The following TMEM179B variants were observed in gnomAD, a reference collection of about 807,000 sequenced individuals.
The protein encoded by TMEM179B is transmembrane protein 179B.
A neutral mutation model predicts 18.0 loss-of-function variants in TMEM179B; 13 were observed. The observed-to-expected ratio is 0.72, with a 90% CI of 0.47 to 1.15. TMEM179B has a LOEUF of 1.15. Among genes scored for constraint, TMEM179B ranks in the 50% most tolerant of loss-of-function variants. TMEM179B has a pLI of 0.00. For synonymous variants in TMEM179B, 159 were observed against 117.5 expected, an observed-to-expected ratio of 1.35 and a Z score of -2.29; for missense variants, 320 against 270.6, an observed-to-expected ratio of 1.18 and a Z score of -1.28.
chr11:62,789,482 G>A, intron 3 of TMEM179B, 56 bp downstream of exon 3: 1 of 1,610,884 alleles, frequency 6.2e-7, no homozygotes, highest in Non-Finnish European at 8.5e-7. Context: ...CTCTGCAGCG[G>A]GGTCCTATAA....
chr11:62,788,715 G>A (rs1165485337), intron 1 of TMEM179B, among the ~76,000 whole-genome samples: 2 of 147,672 alleles, frequency 1.4e-5, no homozygotes, highest in Middle Eastern at 3.7e-3. Flanking sequence ...ATAGTTATTT[G>A]TTGAAGGATA....
At chr11:62,788,546 TACAA>T (rs1439687120) in intron 1 of TMEM179B, among the ~76,000 whole-genome samples, 40 of 150,526 alleles carry the variant, frequency 2.7e-4, no homozygotes, top group East Asian at 2.6e-3. Context: ...CTACTAAAAA[TACAA>T]ACAATTAGCC....
At chr11:62,789,470 C>T (rs756260230) in intron 3 of TMEM179B, 44 bp downstream of exon 3, 12 of 1,612,790 alleles carry the variant, frequency 7.4e-6, no homozygotes, top group Admixed American at 1.7e-5. Flanking sequence ...TGACTACCTT[C>T]CCTCTGCAGC....
Position 62,789,067 on chromosome 11 carries a change from G to A in TMEM179B, c.141G>A (p.Leu47=). 1 of 1,614,180 alleles carries A rather than the reference G, an allele frequency of 6.2e-7. No individual in the cohort carries two copies. The highest frequency in any genetic ancestry group is 8.5e-7 in the Non-Finnish European group (1 of 1,180,022). The change falls in exon 2 of 5, where the codon CTG becomes CTA. Residue 47 remains leucine (L), a synonymous_variant. Coordinates refer to ENST00000333449, the MANE Select transcript of TMEM179B (RefSeq NM_199337.3). The stretch of plus-strand genomic sequence containing the variant: ...GTCCCCTGTATGGTGTGGCCACCCT[G>A]AATGGCTCCTCCCTGGCCTTATCCC... ...GRCPLYGVAT[L]NGSSLALSRP... is the part of the protein sequence containing the mutation.
chr11:62,790,092 G>T lies in TMEM179B; in HGVS notation c.*45G>T. 6.5e-7 allele frequency: 1 copy of T among 1,531,054 alleles called. No individual in the cohort carries two copies. The allele number at this position is 1,531,054 out of a possible 1,614,324, so 94.8% of individuals were successfully genotyped here. A position where few individuals can be genotyped will look rare whatever the true frequency, so the allele number is the denominator to read the frequency against. The stretch of plus-strand genomic sequence containing the variant: ...CTGCAGCCGAAGACTCCATGCCCAA[G>T]TGCCTGTAATCCCCCCCCTCAAGGC... On this transcript the variant is annotated 3_prime_UTR_variant, in exon 5 of 5. Coordinates refer to ENST00000333449, the MANE Select transcript of TMEM179B (RefSeq NM_199337.3).
At chr11:62,789,470 C>A in intron 3 of TMEM179B, 44 bp downstream of exon 3, 1 of 1,612,788 alleles carries the variant, frequency 6.2e-7, no homozygotes. Context: ...TGACTACCTT[C>A]CCTCTGCAGC....
chr11:62,789,512 G>C, intron 3 of TMEM179B, 86 bp downstream of exon 3: 1 of 1,595,864 alleles, frequency 6.3e-7, no homozygotes, highest in Non-Finnish European at 8.6e-7. Context: ...ATCCCCATCA[G>C]TTGCTCTCAA....
chr11:62,787,531 C>A lies in TMEM179B; in HGVS notation c.96+4C>A. ...CGCGGCGATGACTCGGACCCAGGTG[C>A]GGCTGCGGGGCGGGGTCAGGTAGGC... On this transcript the variant is annotated splice_donor_region_variant and intron_variant, in intron 1 of 4. Transcript: ENST00000333449. 6.4e-7 allele frequency: 1 copy of A among 1,559,786 alleles called. No individual in the cohort carries two copies. Among genetic ancestry groups the A allele is most frequent in the Non-Finnish European group, 8.6e-7 (1 of 1,161,962 alleles).
At chr11:62,788,759 C>T (rs2134739735) in intron 1 of TMEM179B, among the ~76,000 whole-genome samples, 1 of 151,820 alleles carries the variant, frequency 6.6e-6, no homozygotes, top group East Asian at 1.9e-4. Flanking sequence ...GGTTTCTGCA[C>T]AGAGACCATA....
chr11:62,789,209 A>T lies in TMEM179B; in HGVS notation c.283A>T (p.Arg95Ter). The change falls in exon 2 of 5, where the codon AGA becomes TGA. Residue 95 changes from arginine (R) to a stop codon, truncating the protein, a stop_gained and splice_region_variant. Transcript: ENST00000333449. LOFTEE classifies it high-confidence loss of function. ...CAGCAGCTGCATCGAGGACTCCCAC[A>T]GGTGACTGCCTAACCCTGAGGGCCA... Reference protein sequence around the residue: ...IYSSCIEDSHRGAIGLRIALA... With the variant: ...IYSSCIEDSH 1 of 1,614,170 alleles carries T rather than the reference A, an allele frequency of 6.2e-7. No individual in the cohort carries two copies. Among genetic ancestry groups the T allele is most frequent in the Middle Eastern group, 1.7e-4 (1 of 6,060 alleles).
At position 62,790,217 on chromosome 11, in the gene TMEM179B, C is replaced by T; in HGVS notation, c.*170C>T. ...ACCTCTTCCTGCAGCTGTTTTTGTA[C>T]CAAAATATTATATTACTGTCTTCAT... On this transcript the variant is annotated 3_prime_UTR_variant, in exon 5 of 5. Transcript: ENST00000333449. The T allele has an allele frequency of 1.4e-6, 1 of 718,838 alleles. No individual in the cohort carries two copies. The highest frequency in any genetic ancestry group is 2.2e-6 in the Non-Finnish European group (1 of 457,752). 44.5% of individuals were successfully genotyped at this position (718,838 alleles called of 1,614,324 possible).
chr11:62,788,090 T>C (rs905875295), intron 1 of TMEM179B, among the ~76,000 whole-genome samples: 1 of 152,022 alleles, frequency 6.6e-6, no homozygotes, highest in African/African-American at 2.4e-5. Context: ...CTAGTGTGCC[T>C]ATTTTACACC....
At chr11:62,788,175 G>A (rs1271439805) in intron 1 of TMEM179B, among the ~76,000 whole-genome samples, 1 of 152,214 alleles carries the variant, frequency 6.6e-6, no homozygotes, top group Non-Finnish European at 1.5e-5. Context: ...GGCTGAGGCA[G>A]GCGGATCACT....
In TMEM179B at chr11:62,787,480, G is replaced by C. The variant is rs753977198; in HGVS notation, c.49G>C (p.Ala17Pro). Residue 17 changes from alanine to proline, a missense_variant, in exon 1 of 5, where the codon GCC becomes CCC. Physicochemically the swap from Ala to Pro is conservative, Grantham distance 27. Transcript: ENST00000333449. ...CGTCGAGCTTGCGCTCTTTGCTGCC[G>C]CCTTCCTGTGCGGGGCCGTGGCGGC... is the stretch of plus-strand genomic sequence containing the variant. ...QRVELALFAA[A>P]FLCGAVAAAA... 4.4e-6 allele frequency: 7 copies of C among 1,578,288 alleles called. No individual in the cohort carries two copies. Among genetic ancestry groups the C allele is most frequent in the Non-Finnish European group, 6.0e-6 (7 of 1,169,746 alleles).
Position 62,787,438 on chromosome 11 carries a change from C to T in TMEM179B, c.7C>T (p.Leu3=), listed in dbSNP as rs779096208. 5.1e-6 allele frequency: 8 copies of T among 1,564,654 alleles called. No individual in the cohort carries two copies. In the South Asian group the frequency reaches 5.7e-5, roughly 11 times the overall value. The part of the protein sequence containing the change: MA[L]SWLQRVELAL... ...TCCTGGTGGTCAGGGCGCCATGGCG[C>T]TGTCCTGGCTGCAGCGCGTCGAGCT... The change falls in exon 1 of 5, where the codon CTG becomes TTG. Residue 3 remains leucine (L), a synonymous_variant. Transcript: ENST00000333449.
rs1351966855 is a variant in TMEM179B, at chr11:62,787,524, C to CCAGGTG, written c.95_96+4dup. 7 of 1,568,630 alleles carry CCAGGTG rather than the reference C, an allele frequency of 4.5e-6. No individual in the cohort carries two copies. The African/African-American group carries it at 9.5e-5, about 21-fold the overall frequency. ...TGGCGGCCGCGGCGATGACTCGGAC[C>CCAGGTG]CAGGTGCGGCTGCGGGGCGGGGTCA... On this transcript the variant is annotated inframe_insertion, in exon 1 of 5. Coordinates refer to ENST00000333449, the MANE Select transcript of TMEM179B (RefSeq NM_199337.3).
intron 1 of TMEM179B, chr11:62,787,821 C>T: frequency 4.5e-6 from 3 of 667,188 alleles, no homozygotes; most frequent in East Asian, 5.8e-5. Context: ...TACTGTGGTT[C>T]CGAAACAGAA....
In TMEM179B at chr11:62,787,440, G is replaced by A. The variant is rs758543702; in HGVS notation, c.9G>A (p.Leu3=). 1.1e-5 allele frequency: 17 copies of A among 1,568,440 alleles called. No homozygotes were observed. The highest frequency in any genetic ancestry group is 1.4e-5 in the Non-Finnish European group (16 of 1,164,288). MA[L]SWLQRVELAL... Reference sequence around the variant, plus strand: ...CTGGTGGTCAGGGCGCCATGGCGCTGTCCTGGCTGCAGCGCGTCGAGCTTG... The same window carrying A: ...CTGGTGGTCAGGGCGCCATGGCGCTATCCTGGCTGCAGCGCGTCGAGCTTG... The change falls in exon 1 of 5, where the codon CTG becomes CTA. Residue 3 remains leucine, a synonymous_variant. Coordinates refer to ENST00000333449, the MANE Select transcript of TMEM179B (RefSeq NM_199337.3).
At chr11:62,787,667 C>T in intron 1 of TMEM179B, 140 bp downstream of exon 1, 1 of 1,135,836 alleles carries the variant, frequency 8.8e-7, no homozygotes, top group African/African-American at 1.6e-5. Context: ...CGGCCTGTAC[C>T]TGAAATGCAG....
Sources: gnomAD v4.1 joint callset for allele counts (sites outside exome capture counted in the v4.1 genomes callset) on GRCh38, gnomAD v4.1.1 for gene constraint, MANE v1.5 for transcripts, NCBI Gene and HGNC (gene_info 2026-07-23, HGNC 2026-07-21) for gene names.